The following GLIS3 variants were observed in gnomAD, a reference collection of about 807,000 sequenced individuals.
GLIS3 encodes the protein zinc finger protein GLIS3.
GLIS3 carries 53 observed loss-of-function variants against 78.6 expected under a neutral mutation model. The observed-to-expected ratio is 0.67, with a 90% CI of 0.54 to 0.85. The LOEUF (loss-of-function observed/expected upper bound fraction) is 0.85, where lower values mean the gene tolerates loss of function less well. Among genes scored for constraint, GLIS3 ranks in the 40% least tolerant of loss-of-function variants. The pLI, the probability that GLIS3 is intolerant of heterozygous loss-of-function variation, is 0.00. For synonymous variants in GLIS3, 684 were observed against 509.9 expected (o/e 1.34, Z -4.60); for missense variants, 1,703 against 1,231.1 (o/e 1.38, Z -5.74).
At chr9:4,445,802 G>A in the GLIS3 span, among the ~76,000 whole-genome samples, 4 of 152,072 alleles carry the variant, frequency 2.6e-5, no homozygotes, top group Admixed American at 2.0e-4. Flanking sequence ...CACTATGAGG[G>A]CCATGCAGAT....
intron 2 of GLIS3, among the ~76,000 whole-genome samples, chr9:4,255,368 C>T (rs1002135977): frequency 1.3e-5 from 2 of 152,046 alleles, no homozygotes; most frequent in South Asian, 4.2e-4. Context: ...TTGGTATCAC[C>T]CAAAGGAGTT....
intron 4 of GLIS3, among the ~76,000 whole-genome samples, chr9:4,092,215 A>G (rs1829576943): frequency 6.8e-6 from 1 of 147,888 alleles, no homozygotes; most frequent in Non-Finnish European, 1.5e-5. Flanking sequence ...GGAGTGGCGC[A>G]GTCTCGGCTC....
intron 6 of GLIS3, among the ~76,000 whole-genome samples, chr9:3,914,136 GTTTCTTTC>G (rs56051681): frequency 0.089 from 13,536 of 151,642 alleles, 817 homozygotes; most frequent in South Asian, 0.25. Context: ...CACTTGGGTA[GTTTCTTTC>G]TTTCTTTCTC....
At chr9:3,850,640 C>T (rs186338326) in intron 9 of GLIS3, among the ~76,000 whole-genome samples, 358 of 152,314 alleles carry the variant, frequency 2.4e-3, no homozygotes, top group Middle Eastern at 3.4e-3. Context: ...ACTTGACTTT[C>T]CTAAAATACT....
intron 4 of GLIS3, among the ~76,000 whole-genome samples, chr9:4,111,117 T>C (rs775929407): frequency 2.4e-4 from 37 of 152,176 alleles, no homozygotes; most frequent in Non-Finnish European, 4.7e-4. Context: ...TCTCCAAAGG[T>C]TCGACATACA....
At chr9:4,296,899 A>G (rs1011249320) in intron 1 of GLIS3, among the ~76,000 whole-genome samples, 1 of 75,648 alleles carries the variant, frequency 1.3e-5, no homozygotes, top group African/African-American at 5.8e-5. Flanking sequence ...CTTGTTCTCA[A>G]TTGCAAAAAA....
chr9:3,953,795 C>CTCTCTCTCTCTCTATATATA (rs1403671770), intron 4 of GLIS3, among the ~76,000 whole-genome samples: 8 of 73,342 alleles, frequency 1.1e-4, no homozygotes, highest in African/African-American at 4.5e-4. Flanking sequence ...CTCTCTCTCT[C>CTCTCTCTCTCTCTATATATA]TATATATATA....
chr9:4,314,599 G>T (rs184582550), intron 2 of GLIS3, among the ~76,000 whole-genome samples: 2 of 152,322 alleles, frequency 1.3e-5, no homozygotes, highest in African/African-American at 4.8e-5. Flanking sequence ...TAAGAAAAGA[G>T]ACAGCTACGG....
the GLIS3 span, among the ~76,000 whole-genome samples, chr9:4,354,950 A>G: frequency 6.6e-6 from 1 of 151,976 alleles, no homozygotes. Flanking sequence ...CCCCATCTCT[A>G]CTAAAAATAC....
At chr9:4,099,738 A>G (rs1005771669) in intron 4 of GLIS3, among the ~76,000 whole-genome samples, 1 of 152,244 alleles carries the variant, frequency 6.6e-6, no homozygotes, top group African/African-American at 2.4e-5. Flanking sequence ...GCAGGATACA[A>G]TAAGTTGCAT....
At chr9:4,461,170 A>C in the GLIS3 span, among the ~76,000 whole-genome samples, 2 of 152,200 alleles carry the variant, frequency 1.3e-5, no homozygotes, top group African/African-American at 4.8e-5. Flanking sequence ...AAAGATGTTA[A>C]AGTTTTGAAA....
In GLIS3 at chr9:4,190,257, C is replaced by A. The variant is rs187546765; in HGVS notation, c.389-64316G>T. On this transcript the variant is annotated intron_variant, in intron 2 of 10. Coordinates refer to ENST00000381971, the MANE Select transcript of GLIS3 (RefSeq NM_001042413.2). Reference sequence around the variant, plus strand: ...CCGAGCTACAGGAGGAAATTCAAACCAAAGGCAAAGAAGTTAAAAACTTTG... The same window carrying A: ...CCGAGCTACAGGAGGAAATTCAAACAAAAGGCAAAGAAGTTAAAAACTTTG... 2.7e-4 allele frequency among the ~76,000 whole-genome samples: 41 copies of A among 152,230 alleles called. 1 individual carries two copies. The East Asian group carries it at 7.9e-3, about 29-fold the overall frequency.
chr9:4,178,817 A>G (rs1563704570), intron 2 of GLIS3, among the ~76,000 whole-genome samples: 2 of 152,232 alleles, frequency 1.3e-5, no homozygotes, highest in Non-Finnish European at 2.9e-5. Flanking sequence ...ATTTCACAAA[A>G]ATCACTAAGA....
intron 2 of GLIS3, among the ~76,000 whole-genome samples, chr9:4,128,139 C>T (rs1832714987): frequency 6.6e-6 from 1 of 152,192 alleles, no homozygotes; most frequent in Admixed American, 6.5e-5. Flanking sequence ...CTTGTTCATG[C>T]TCTTCTCTTT....
intron 2 of GLIS3, among the ~76,000 whole-genome samples, chr9:4,343,175 CAAA>C (rs34263708): frequency 0.28 from 42,486 of 151,398 alleles, 6,803 homozygotes; most frequent in Non-Finnish European, 0.35. Context: ...CTCATCTCTT[CAAA>C]AAAAAATTAA....
chr9:4,316,646 C>G (rs1206634027), intron 2 of GLIS3, among the ~76,000 whole-genome samples: 1 of 152,104 alleles, frequency 6.6e-6, no homozygotes. Flanking sequence ...TGTGAGTAAG[C>G]GTAGGCATGT....
intron 4 of GLIS3, among the ~76,000 whole-genome samples, chr9:4,020,128 G>C (rs772374163): frequency 3.3e-5 from 5 of 152,086 alleles, no homozygotes; most frequent in Non-Finnish European, 4.4e-5. Flanking sequence ...GGAGGTGAGA[G>C]AGTCAGAAAG....
the GLIS3 span, among the ~76,000 whole-genome samples, chr9:4,414,564 G>C: frequency 6.6e-6 from 1 of 152,056 alleles, no homozygotes; most frequent in Non-Finnish European, 1.5e-5. Flanking sequence ...CTTTTATCCT[G>C]CCTGCTTCAG....
the GLIS3 span, among the ~76,000 whole-genome samples, chr9:4,472,970 T>C: frequency 1.3e-5 from 2 of 152,222 alleles, no homozygotes; most frequent in Middle Eastern, 3.2e-3. Flanking sequence ...TTTGGGTATA[T>C]ATCCAGTAAT....
Sources: gnomAD v4.1 joint callset for allele counts (sites outside exome capture counted in the v4.1 genomes callset) on GRCh38, gnomAD v4.1.1 for gene constraint, MANE v1.5 for transcripts, NCBI Gene and HGNC (gene_info 2026-07-23, HGNC 2026-07-21) for gene names.